ALK: variants seen among roughly 807,000 people sequenced by gnomAD.
The protein encoded by ALK is ALK receptor tyrosine kinase, also known as ALK tyrosine kinase receptor.
ALK carries 74 observed loss-of-function variants against 163.1 expected under a neutral mutation model. That is an observed-to-expected ratio of 0.45 (90% CI 0.38 to 0.55). ALK has a LOEUF of 0.55. Among genes scored for constraint, ALK ranks in the 20% least tolerant of loss-of-function variants. ALK has a pLI of 0.00. For synonymous variants in ALK, 960 were observed against 843.2 expected (o/e 1.14, Z -2.40); for missense variants, 2,063 against 2,105.3 (o/e 0.98, Z 0.39).
chr2:29,362,221 C>A (rs80178066), intron 5 of ALK, among the ~76,000 whole-genome samples: 1 of 152,266 alleles, frequency 6.6e-6, no homozygotes, highest in African/African-American at 2.4e-5. Context: ...AGGAGAAGGA[C>A]GGGAGGTAAT....
chr2:29,385,101 A>C (rs898543489), intron 4 of ALK, among the ~76,000 whole-genome samples: 4 of 144,716 alleles, frequency 2.8e-5, no homozygotes, highest in African/African-American at 1.0e-4. Flanking sequence ...CATCTATGAA[A>C]TCATCACAAT....
At chr2:29,564,906 C>A (rs1215143729) in intron 3 of ALK, among the ~76,000 whole-genome samples, 2 of 152,198 alleles carry the variant, frequency 1.3e-5, no homozygotes, top group African/African-American at 2.4e-5. Flanking sequence ...TACAGAGAGA[C>A]TGGGAACCCA....
intron 4 of ALK, among the ~76,000 whole-genome samples, chr2:29,410,397 T>C (rs1053701688): frequency 5.9e-5 from 9 of 152,222 alleles, no homozygotes; most frequent in African/African-American, 2.2e-4. Flanking sequence ...TGTCCCGCCT[T>C]TCTAGACTGA....
chr2:29,349,113 C>T (rs1668037068), intron 5 of ALK, among the ~76,000 whole-genome samples: 2 of 152,190 alleles, frequency 1.3e-5, no homozygotes, highest in South Asian at 4.1e-4. Flanking sequence ...TGAATGTTGG[C>T]TGCATTACTA....
rs202060629 is a variant in ALK at position 29,474,003 on chromosome 2, CTT to C, written c.1154+57910_1154+57911del. On this transcript the variant is annotated intron_variant, in intron 4 of 28. Coordinates refer to ENST00000389048, the MANE Select transcript of ALK (RefSeq NM_004304.5). ...GGGAGGAGTTAAGTTGGTACAATTA[CTT>C]TGGCAAACTGTTCCAGAATATCTTC... 2.6e-4 allele frequency among the ~76,000 whole-genome samples: 40 copies of C among 152,340 alleles called. No individual in the cohort carries two copies. In the East Asian group the frequency reaches 6.9e-3, roughly 26 times the overall value.
chr2:29,857,745 C>A (rs1180462644), intron 1 of ALK, among the ~76,000 whole-genome samples: 1 of 152,230 alleles, frequency 6.6e-6, no homozygotes, highest in East Asian at 1.9e-4. Context: ...CCCATGAAAT[C>A]TATTATTCCC....
chr2:29,484,543 T>A (rs1330865909), intron 4 of ALK, among the ~76,000 whole-genome samples: 1 of 152,218 alleles, frequency 6.6e-6, no homozygotes, highest in African/African-American at 2.4e-5. Flanking sequence ...TTCAGTTTCA[T>A]AATTTTTAGA....
chr2:29,284,446 A>G (rs1318066026), intron 9 of ALK, among the ~76,000 whole-genome samples: 5 of 152,198 alleles, frequency 3.3e-5, no homozygotes, highest in Non-Finnish European at 7.3e-5. Flanking sequence ...ACATTTTCCG[A>G]GACATTAAGA....
At chr2:29,207,741 G>A (rs1200322420) in intron 25 of ALK, among the ~76,000 whole-genome samples, 3 of 152,228 alleles carry the variant, frequency 2.0e-5, no homozygotes, top group African/African-American at 7.2e-5. Context: ...CAATCAACCA[G>A]TAATCTAGAC....
At chr2:29,874,107 T>G (rs185423162) in intron 1 of ALK, among the ~76,000 whole-genome samples, 2 of 152,196 alleles carry the variant, frequency 1.3e-5, no homozygotes, top group Non-Finnish European at 2.9e-5. Context: ...TGCACTGGAA[T>G]GTATGGACAA....
In ALK at chr2:29,228,944, CTCT is replaced by C; in HGVS notation, c.2752_2754del (p.Arg918del). 6.3e-7 allele frequency: 1 copy of C among 1,580,810 alleles called. No individual in the cohort carries two copies. The highest frequency in any genetic ancestry group is 8.7e-7 in the Non-Finnish European group (1 of 1,150,198). On this transcript the variant is annotated inframe_deletion, in exon 16 of 29. Transcript: ENST00000389048. ...CCCCCTCCACCCCCTCCGAAACCCC[CTCT>C]TGTCTCCCACCCCCACTTCTTCATG...
chr2:29,355,262 G>T (rs1012868715), intron 5 of ALK, among the ~76,000 whole-genome samples: 1 of 152,302 alleles, frequency 6.6e-6, no homozygotes, highest in African/African-American at 2.4e-5. Flanking sequence ...AAGGCATGGT[G>T]GGCATCCTGA....
At chr2:29,440,253 A>C (rs948209260) in intron 4 of ALK, among the ~76,000 whole-genome samples, 15 of 151,550 alleles carry the variant, frequency 9.9e-5, no homozygotes, top group African/African-American at 2.9e-4. Flanking sequence ...AACAAAAAAA[A>C]CCACTAATAC....
chr2:29,912,410 G>A (rs1311494548), intron 1 of ALK, among the ~76,000 whole-genome samples: 1 of 151,996 alleles, frequency 6.6e-6, no homozygotes, highest in Non-Finnish European at 1.5e-5. Flanking sequence ...AAGGACACAG[G>A]AACAAAATAG....
chr2:29,825,486 G>A (rs1389499187), intron 1 of ALK, among the ~76,000 whole-genome samples: 1 of 152,114 alleles, frequency 6.6e-6, no homozygotes, highest in Non-Finnish European at 1.5e-5. Context: ...GAGAGACCTT[G>A]GTATGTTCAA....
At position 29,229,014 on chromosome 2, in the gene ALK, A is replaced by C; in HGVS notation, c.2685T>G (p.Ser895=). The C allele has an allele frequency of 1.2e-6, 2 of 1,612,860 alleles. No individual in the cohort carries two copies. The highest frequency in any genetic ancestry group is 1.7e-6 in the Non-Finnish European group (2 of 1,179,666). ...DNTSLLWAGK[S]LQEGATGGHS... ...GTCCTCCGGTGGCACCCTCCTGCAA[A>C]GATTTTCCGGCCCAGAGCAAGGAAG... Residue 895 remains serine, a synonymous_variant, in exon 16 of 29, where the codon TCT becomes TCG. Coordinates refer to ENST00000389048, the MANE Select transcript of ALK (RefSeq NM_004304.5).
At chr2:29,444,697 A>C (rs112066119) in intron 4 of ALK, among the ~76,000 whole-genome samples, 1 of 152,214 alleles carries the variant, frequency 6.6e-6, no homozygotes, top group Non-Finnish European at 1.5e-5. Context: ...CATTTTATTA[A>C]ACTCAAAAGT....
intron 1 of ALK, among the ~76,000 whole-genome samples, chr2:29,805,616 A>G (rs1664589667): frequency 6.6e-6 from 1 of 152,038 alleles, no homozygotes; most frequent in Non-Finnish European, 1.5e-5. Flanking sequence ...TTCCTGTGTT[A>G]CTTTGCTGAG....
intron 11 of ALK, among the ~76,000 whole-genome samples, chr2:29,270,990 G>C (rs1012293766): frequency 2.0e-5 from 3 of 152,214 alleles, no homozygotes; most frequent in East Asian, 1.9e-4. Context: ...CAAGGAAGAG[G>C]CCAGGATTTT....
Sources: allele counts gnomAD v4.1 joint callset (sites outside exome capture counted in the v4.1 genomes callset), GRCh38; gene constraint gnomAD v4.1.1; transcripts MANE v1.5; gene names NCBI Gene and HGNC (gene_info 2026-07-23, HGNC 2026-07-21).